Variants in COBL observed in about 807,000 individuals in gnomAD.
COBL encodes the protein protein cordon-bleu.
Under a neutral mutation model 98.8 loss-of-function variants are expected in COBL, and 51 were observed. The observed-to-expected ratio is 0.52, with a 90% confidence interval of 0.41 to 0.65. The LOEUF (loss-of-function observed/expected upper bound fraction) is 0.65, where lower values mean the gene tolerates loss of function less well. Ranked by LOEUF, COBL falls within the 30% of genes least tolerant of loss-of-function variation. COBL has a pLI of 0.00. For missense variants in COBL, 1,617 were observed against 1,617.5 expected, an observed-to-expected ratio of 1.00 and a Z score of 0.01; for synonymous variants, 634 against 651.7, an observed-to-expected ratio of 0.97 and a Z score of 0.41.
chr7:51,250,103 A>G (rs548766155), intron 1 of COBL, among the ~76,000 whole-genome samples: 77 of 149,516 alleles, frequency 5.1e-4, no homozygotes, highest in Non-Finnish European at 9.2e-4. Context: ...CTCCATTTCA[A>G]AAAAAAAAAG....
In COBL at chr7:51,110,527, GT is replaced by G. The variant is rs1238131932; in HGVS notation, c.958-25224del. Among the ~76,000 whole-genome samples, 4 of 152,158 alleles carry G rather than the reference GT, an allele frequency of 2.6e-5. No individual in the cohort carries two copies. The East Asian group carries it at 7.7e-4, about 29-fold the overall frequency. On this transcript the variant is annotated intron_variant, in intron 6 of 12. Transcript: ENST00000265136. ...CATTCATCCGCTGACGGACACTTAG[GT>G]TGATTCCATATCTTTATTTTATTTT...
intron 7 of COBL, 23 bp from the exon 8 acceptor site, chr7:51,043,715 A>G: frequency 6.2e-7 from 1 of 1,600,316 alleles, no homozygotes; most frequent in South Asian, 1.1e-5. Context: ...CGGCAAGGAC[A>G]GGTCAGCCCA....
intron 2 of COBL, among the ~76,000 whole-genome samples, chr7:51,216,413 CG>C (rs768926098): frequency 3.4e-4 from 52 of 152,218 alleles, no homozygotes; most frequent in Non-Finnish European, 6.3e-4. Flanking sequence ...TCAGGTGATC[CG>C]CCCACCTCAG....
At chr7:51,018,241 GTGGTGGTGACGA>G (rs1327660690) in intron 12 of COBL, 5 of 151,618 alleles carry the variant, frequency 3.3e-5, no homozygotes, top group African/African-American at 1.2e-4. Context: ...GGTGGTAACT[GTGGTGGTGACGA>G]TGGTGGTGGT....
intron 4 of COBL, among the ~76,000 whole-genome samples, chr7:51,189,488 G>T (rs1430850139): frequency 1.3e-5 from 2 of 152,112 alleles, no homozygotes; most frequent in Non-Finnish European, 2.9e-5. Context: ...ACAAAAATTA[G>T]CCGGGCATGG....
At chr7:51,021,729 T>C (rs1473521534) in intron 12 of COBL, among the ~76,000 whole-genome samples, 1 of 152,216 alleles carries the variant, frequency 6.6e-6, no homozygotes, top group African/African-American at 2.4e-5. Context: ...CGAAAGTGTA[T>C]TTGCTATGAA....
At chr7:51,247,510 C>G (rs1860159) in intron 1 of COBL, among the ~76,000 whole-genome samples, 47,872 of 152,076 alleles carry the variant, frequency 0.31, 9,259 homozygotes, top group Non-Finnish European at 0.43. Context: ...GAGATGGTGG[C>G]TTTATTTTTC....
rs191772875 is a variant in COBL, at chr7:51,213,257, G to A, written c.245+6484C>T. On this transcript the variant is annotated intron_variant, in intron 2 of 12. Coordinates refer to ENST00000265136, the MANE Select transcript of COBL (RefSeq NM_015198.5). ...CCACAGACGAGGACCAGTCAACGGT[G>A]TGTTAGAAGCCAGGTCGCACAGCAG... 9.8e-5 allele frequency among the ~76,000 whole-genome samples: 15 copies of A among 152,306 alleles called. No homozygotes were observed. In the East Asian group the frequency reaches 2.7e-3, roughly 28 times the overall value.
chr7:51,159,448 C>T (rs1395540999), intron 5 of COBL, among the ~76,000 whole-genome samples: 1 of 152,340 alleles, frequency 6.6e-6, no homozygotes, highest in East Asian at 1.9e-4. Flanking sequence ...TACCGAGGGA[C>T]AGAGAGCTCT....
At chr7:51,075,364 G>T (rs985148369) in intron 7 of COBL, among the ~76,000 whole-genome samples, 45 of 152,088 alleles carry the variant, frequency 3.0e-4, no homozygotes, top group African/African-American at 1.1e-3. Flanking sequence ...CACTGAATGC[G>T]GTGCTGTGAA....
intron 6 of COBL, among the ~76,000 whole-genome samples, chr7:51,129,238 A>C (rs752806367): frequency 4.6e-5 from 7 of 152,074 alleles, no homozygotes; most frequent in Admixed American, 3.3e-4. Context: ...GTCCAAGATC[A>C]TGGTGTGGAC....
rs560178423 is a variant in COBL at position 51,069,021 on chromosome 7, C to T, written c.1096+16145G>A. ...ATCAAAACGTTGCCCTCGGCCTGAT[C>T]GCACCCAATCCTCACTAATATGACA... is the stretch of plus-strand genomic sequence containing the variant. On this transcript the variant is annotated intron_variant, in intron 7 of 12. Coordinates refer to ENST00000265136, the MANE Select transcript of COBL (RefSeq NM_015198.5). 1.2e-4 allele frequency among the ~76,000 whole-genome samples: 19 copies of T among 152,272 alleles called. No individual in the cohort carries two copies. In the South Asian group the frequency reaches 3.1e-3, roughly 25 times the overall value.
rs1046964 is a variant in COBL, at chr7:51,016,624, T to C, written c.*927A>G. ...CGTCAAGGCTGAACCAAAATTGTGA[T>C]GCTCTCAGCGCAACTTTGATCTGAA... On this transcript the variant is annotated 3_prime_UTR_variant, in exon 13 of 13. Coordinates refer to ENST00000265136, the MANE Select transcript of COBL (RefSeq NM_015198.5). 220,490 of 257,028 alleles carry C rather than the reference T, an allele frequency of 0.86. 94,906 individuals are homozygous for C. Among genetic ancestry groups the C allele is most frequent in the African/African-American group, 0.91 (41,694 of 45,706 alleles). 15.9% of individuals were successfully genotyped at this position (257,028 alleles called of 1,614,324 possible).
chr7:51,290,241 T>C (rs2129186063), intron 1 of COBL, among the ~76,000 whole-genome samples: 1 of 152,314 alleles, frequency 6.6e-6, no homozygotes, highest in East Asian at 1.9e-4. Context: ...TGGCATAAAT[T>C]ATGTGCTACT....
At chr7:51,251,041 G>A (rs962039412) in intron 1 of COBL, among the ~76,000 whole-genome samples, 6 of 152,142 alleles carry the variant, frequency 3.9e-5, no homozygotes, top group African/African-American at 1.4e-4. Context: ...GATTTTTACA[G>A]TGCTATTAAA....
intron 6 of COBL, among the ~76,000 whole-genome samples, chr7:51,126,103 A>G (rs945141844): frequency 5.3e-5 from 8 of 152,196 alleles, no homozygotes; most frequent in African/African-American, 1.9e-4. Flanking sequence ...CGAGGTGAAC[A>G]GATTACTTGA....
At chr7:51,044,841 C>A (rs556884190) in intron 7 of COBL, among the ~76,000 whole-genome samples, 9 of 152,104 alleles carry the variant, frequency 5.9e-5, no homozygotes, top group Non-Finnish European at 1.2e-4. Context: ...CTTATCACCA[C>A]GAAACCAAAA....
intron 11 of COBL, 84 bp from the exon 12 acceptor site, chr7:51,025,456 G>T (rs1787457687): frequency 1.4e-6 from 2 of 1,428,054 alleles, no homozygotes; most frequent in African/African-American, 2.8e-5. Flanking sequence ...CAAGGTAGTG[G>T]CATGAGGAGA....
chr7:51,210,448 C>G (rs1792305440), intron 2 of COBL, among the ~76,000 whole-genome samples: 1 of 152,186 alleles, frequency 6.6e-6, no homozygotes, highest in African/African-American at 2.4e-5. Flanking sequence ...GAACCCGCAC[C>G]CAGGACAGCG....
Sources: allele counts gnomAD v4.1 joint callset (sites outside exome capture counted in the v4.1 genomes callset), GRCh38; gene constraint gnomAD v4.1.1; transcripts MANE v1.5; gene names NCBI Gene and HGNC (gene_info 2026-07-23, HGNC 2026-07-21).